Variants in AGMO observed in about 807,000 individuals in gnomAD.
AGMO encodes alkylglycerol monooxygenase, also known as glyceryl-ether monooxygenase.
AGMO carries 75 observed loss-of-function variants against 60.2 expected under a neutral mutation model. The observed-to-expected ratio is 1.25, with a 90% confidence interval of 1.03 to 1.51. AGMO has a LOEUF of 1.51. Ranked by LOEUF, AGMO falls within the 40% of genes most tolerant of loss-of-function variation. The pLI, the probability that AGMO is intolerant of heterozygous loss-of-function variation, is 0.00. For synonymous variants in AGMO, 261 were observed against 177.1 expected (o/e 1.47, Z -3.76); for missense variants, 763 against 525.5 (o/e 1.45, Z -4.42).
At chr7:15,354,274 G>T (rs531675349) in intron 12 of AGMO, among the ~76,000 whole-genome samples, 2 of 140,782 alleles carry the variant, frequency 1.4e-5, no homozygotes, top group Non-Finnish European at 3.1e-5. Flanking sequence ...CATGATAGAT[G>T]TATATCACGA....
intron 3 of AGMO, among the ~76,000 whole-genome samples, chr7:15,443,141 G>A (rs145511107): frequency 6.6e-6 from 1 of 152,314 alleles, no homozygotes; most frequent in East Asian, 1.9e-4. Flanking sequence ...GTACACCAAG[G>A]CAGGAAACCC....
intron 6 of AGMO, among the ~76,000 whole-genome samples, chr7:15,391,981 G>C (rs1784159017): frequency 6.6e-6 from 1 of 152,170 alleles, no homozygotes; most frequent in Non-Finnish European, 1.5e-5. Flanking sequence ...GCAGGCGTGG[G>C]CATGCGAAGA....
chr7:15,527,068 A>C (rs1462162621), intron 3 of AGMO, among the ~76,000 whole-genome samples: 1 of 152,134 alleles, frequency 6.6e-6, no homozygotes, highest in Non-Finnish European at 1.5e-5. Context: ...TATAGAAATT[A>C]AGCCAATTAA....
intron 12 of AGMO, among the ~76,000 whole-genome samples, chr7:15,307,328 T>A (rs564958990): frequency 1.3e-5 from 2 of 152,164 alleles, no homozygotes; most frequent in South Asian, 4.1e-4. Flanking sequence ...TTTTATCACA[T>A]GGTAAAAAGT....
the AGMO span, among the ~76,000 whole-genome samples, chr7:15,166,504 T>C: frequency 6.6e-6 from 1 of 152,196 alleles, no homozygotes; most frequent in Non-Finnish European, 1.5e-5. Context: ...CTTTGGCTTT[T>C]ATTCTCAGCA....
intron 4 of AGMO, among the ~76,000 whole-genome samples, chr7:15,427,974 GA>G (rs1781116053): frequency 2.3e-5 from 1 of 42,976 alleles, no homozygotes; most frequent in Non-Finnish European, 5.5e-5. Flanking sequence ...TAGTAATATA[GA>G]AGAAATATAC....
chr7:15,496,702 C>CT (rs1161541025), intron 3 of AGMO, among the ~76,000 whole-genome samples: 8 of 152,088 alleles, frequency 5.3e-5, no homozygotes, highest in Non-Finnish European at 2.9e-5. Flanking sequence ...ATTTTGTCAA[C>CT]TTTTCTGGTT....
intron 12 of AGMO, among the ~76,000 whole-genome samples, chr7:15,272,782 C>A (rs1298418442): frequency 6.6e-6 from 1 of 152,170 alleles, no homozygotes; most frequent in Admixed American, 6.5e-5. Flanking sequence ...CACATTCTCT[C>A]CAGCACCTGT....
At chr7:15,217,607 CTTAAA>C (rs1161311081) in intron 12 of AGMO, among the ~76,000 whole-genome samples, 12 of 151,972 alleles carry the variant, frequency 7.9e-5, no homozygotes, top group Admixed American at 2.6e-4. Context: ...ATAGAAACAT[CTTAAA>C]TTAAAATATA....
In AGMO at chr7:15,476,088, T is replaced by G. The variant is rs552672348; in HGVS notation, c.410-44980A>C. Among the ~76,000 whole-genome samples the G allele has an allele frequency of 2.0e-5, 3 of 152,248 alleles. No individual in the cohort carries two copies. The East Asian group carries it at 5.8e-4, about 29-fold the overall frequency. On this transcript the variant is annotated intron_variant, in intron 3 of 12. Transcript: ENST00000342526. ...ATGAGTAAGCGACACACTGTCACTTTAAGTGGAAGCTTATTGATAGATAAT... is the reference window on the plus strand; with the variant it reads ...ATGAGTAAGCGACACACTGTCACTTGAAGTGGAAGCTTATTGATAGATAAT...
At chr7:15,140,303 T>C in the AGMO span, among the ~76,000 whole-genome samples, 4 of 152,236 alleles carry the variant, frequency 2.6e-5, no homozygotes, top group East Asian at 7.7e-4. Context: ...CAAACAACTG[T>C]CAGTCAAATT....
chr7:15,510,102 A>T (rs983070907), intron 3 of AGMO, among the ~76,000 whole-genome samples: 1 of 152,150 alleles, frequency 6.6e-6, no homozygotes, highest in Non-Finnish European at 1.5e-5. Flanking sequence ...TAGGGAAGAG[A>T]TCAGCAGTAC....
intron 12 of AGMO, among the ~76,000 whole-genome samples, chr7:15,239,291 A>G (rs1331793704): frequency 1.3e-5 from 2 of 152,122 alleles, no homozygotes; most frequent in Non-Finnish European, 2.9e-5. Flanking sequence ...CGTTTAGATA[A>G]TGATATTTGA....
chr7:15,384,887 G>A (rs1583487928), intron 10 of AGMO, among the ~76,000 whole-genome samples: 1 of 140,404 alleles, frequency 7.1e-6, no homozygotes. Context: ...CCAAAACCTA[G>A]GTAGTATGAG....
Position 15,412,108 on chromosome 7 carries a change from G to A in AGMO, c.609+6450C>T, listed in dbSNP as rs78755492. On this transcript the variant is annotated intron_variant, in intron 5 of 12. Coordinates refer to ENST00000342526, the MANE Select transcript of AGMO (RefSeq NM_001004320.2). ...TATCTGTTAGCTTCTGAAAACTTCT[G>A]CTTTCTATTATTTCATTGTATATAT... is the stretch of plus-strand genomic sequence containing the variant. 2.6e-3 allele frequency among the ~76,000 whole-genome samples: 389 copies of A among 152,076 alleles called. 8 individuals carry two copies. Among genetic ancestry groups the A allele is most frequent in the Non-Finnish European group, 9.9e-4 (67 of 67,966 alleles).
At chr7:15,323,511 C>G (rs1000539749) in intron 12 of AGMO, among the ~76,000 whole-genome samples, 1 of 152,122 alleles carries the variant, frequency 6.6e-6, no homozygotes, top group African/African-American at 2.4e-5. Flanking sequence ...CAACATTATA[C>G]TTTTCATTTG....
chr7:15,399,674 T>G (rs1784503596), intron 5 of AGMO, among the ~76,000 whole-genome samples: 1 of 152,188 alleles, frequency 6.6e-6, no homozygotes, highest in Non-Finnish European at 1.5e-5. Context: ...ACTCCTCATT[T>G]CTTCCTCTCC....
At chr7:15,204,983 C>T (rs1781404003) in intron 12 of AGMO, among the ~76,000 whole-genome samples, 1 of 152,058 alleles carries the variant, frequency 6.6e-6, no homozygotes. Context: ...TATCATCTCA[C>T]CCAGGTTTAT....
chr7:15,557,539 T>G (rs1456974625), intron 2 of AGMO, among the ~76,000 whole-genome samples: 1 of 152,034 alleles, frequency 6.6e-6, no homozygotes, highest in Non-Finnish European at 1.5e-5. Flanking sequence ...GAAAGGGGAT[T>G]GAGAGGAATG....
Sources: gnomAD v4.1 joint callset for allele counts (sites outside exome capture counted in the v4.1 genomes callset) on GRCh38, gnomAD v4.1.1 for gene constraint, MANE v1.5 for transcripts, NCBI Gene and HGNC (gene_info 2026-07-23, HGNC 2026-07-21) for gene names.